WWTR1: variants seen among roughly 807,000 people sequenced by gnomAD.
WWTR1 encodes WW domain-containing transcription regulator protein 1.
A neutral mutation model predicts 40.1 loss-of-function variants in WWTR1; 13 were observed. The ratio of observed to expected loss-of-function variants is 0.32; its 90% CI spans 0.21 to 0.52. The LOEUF (loss-of-function observed/expected upper bound fraction) is 0.52. Among genes scored for constraint, WWTR1 ranks in the 20% least tolerant of loss-of-function variants. The pLI, the probability that WWTR1 is intolerant of heterozygous loss-of-function variation, is 0.97. For missense variants in WWTR1, 436 were observed against 523.1 expected (o/e 0.83, Z 1.63); for synonymous variants, 230 against 210.1 (o/e 1.09, Z -0.82).
rs555509007 is a variant in WWTR1 at position 149,522,757 on chromosome 3, C to T, written c.1019-1768G>A. On this transcript the variant is annotated intron_variant, in intron 6 of 6. Coordinates refer to ENST00000360632, the MANE Select transcript of WWTR1 (RefSeq NM_015472.6). The stretch of plus-strand genomic sequence containing the variant: ...ATCTCTGTTTTAAAGAATTCCTAGG[C>T]CGGGTGTGGTGGCTCATGCCTGTAA... Among the ~76,000 whole-genome samples the T allele has an allele frequency of 5.9e-5, 9 of 152,134 alleles. No homozygotes were observed. In the East Asian group the frequency reaches 1.5e-3, roughly 26 times the overall value.
At chr3:149,554,486 AG>A (rs1736736717) in intron 3 of WWTR1, among the ~76,000 whole-genome samples, 1 of 152,190 alleles carries the variant, frequency 6.6e-6, no homozygotes. Context: ...CCAGTGTGCA[AG>A]TATCTAGGCA....
At chr3:149,691,972 C>A (rs373237263) in intron 1 of WWTR1, among the ~76,000 whole-genome samples, 1 of 151,892 alleles carries the variant, frequency 6.6e-6, no homozygotes, top group Non-Finnish European at 1.5e-5. Context: ...GCCGAGATCA[C>A]GCCACTGCAC....
chr3:149,643,185 C>T lies in WWTR1; in HGVS notation c.431+13691G>A, dbSNP rs544345476. On this transcript the variant is annotated intron_variant, in intron 2 of 6. Coordinates refer to ENST00000360632, the MANE Select transcript of WWTR1 (RefSeq NM_015472.6). ...CGAACTTACTTGCATTAATCTGAGT[C>T]CCCTTTGCCAGGTATCAAAATCAGT... 3.9e-5 allele frequency among the ~76,000 whole-genome samples: 6 copies of T among 152,290 alleles called. No individual in the cohort carries two copies. The Middle Eastern group carries it at 0.014, about 345-fold the overall frequency.
chr3:149,526,295 GA>G (rs1253009128), intron 5 of WWTR1, among the ~76,000 whole-genome samples, 170 bp from the exon 6 acceptor site: 5 of 152,038 alleles, frequency 3.3e-5, no homozygotes, highest in Non-Finnish European at 7.4e-5. Flanking sequence ...TCATGAAAAT[GA>G]AAATAATCAT....
chr3:149,530,407 T>C (rs1171770962), intron 4 of WWTR1, among the ~76,000 whole-genome samples: 1 of 151,910 alleles, frequency 6.6e-6, no homozygotes, highest in Non-Finnish European at 1.5e-5. Context: ...TAAATTTATA[T>C]ATGGTAAGAA....
chr3:149,550,478 C>G lies in WWTR1; in HGVS notation c.569-7941G>C, dbSNP rs145324642. Among the ~76,000 whole-genome samples, 861 of 152,212 alleles carry G rather than the reference C, an allele frequency of 5.7e-3. 8 individuals are homozygous for G. The highest frequency in any genetic ancestry group is 9.9e-3 in the Non-Finnish European group (670 of 68,018). ...GCTGATATTCTTCTGGATAGGAATACTAGGAAATGCTGGTCCACTGTAACT... is the reference window on the plus strand; with the variant it reads ...GCTGATATTCTTCTGGATAGGAATAGTAGGAAATGCTGGTCCACTGTAACT... On this transcript the variant is annotated intron_variant, in intron 3 of 6. Coordinates refer to ENST00000360632, the MANE Select transcript of WWTR1 (RefSeq NM_015472.6).
chr3:149,533,898 GA>G (rs1735703622), intron 4 of WWTR1, among the ~76,000 whole-genome samples: 1 of 130,252 alleles, frequency 7.7e-6, no homozygotes, highest in Admixed American at 8.3e-5. Context: ...GGGAGGCAGA[GA>G]TACTAGCTAA....
intron 5 of WWTR1, among the ~76,000 whole-genome samples, chr3:149,717,035 G>T (rs1474969187): frequency 2.0e-5 from 3 of 152,086 alleles, no homozygotes; most frequent in Non-Finnish European, 2.9e-5. Context: ...AACTTAGGTG[G>T]CACATGCCTG....
At chr3:149,670,850 A>C (rs1331544789) in intron 1 of WWTR1, 2 of 152,104 alleles carry the variant, frequency 1.3e-5, no homozygotes, top group Admixed American at 6.5e-5. Context: ...TCTGGGAAAA[A>C]AGTTATCACA....
At chr3:149,582,219 C>A (rs1475916796) in intron 2 of WWTR1, among the ~76,000 whole-genome samples, 4 of 151,956 alleles carry the variant, frequency 2.6e-5, no homozygotes, top group African/African-American at 9.7e-5. Flanking sequence ...CCTCACTTTG[C>A]CTCTGCAAAC....
chr3:149,637,321 G>A (rs1299075767), intron 2 of WWTR1, among the ~76,000 whole-genome samples: 4 of 151,766 alleles, frequency 2.6e-5, no homozygotes. Context: ...TACCTCCCAG[G>A]CTGAAGCAAT....
intron 4 of WWTR1, among the ~76,000 whole-genome samples, chr3:149,534,964 C>A (rs1735756579): frequency 6.6e-6 from 1 of 152,192 alleles, no homozygotes; most frequent in Non-Finnish European, 1.5e-5. Context: ...AGGTCCTTGG[C>A]CTGCAGCTTG....
chr3:149,594,581 T>A (rs2108037329), intron 2 of WWTR1, among the ~76,000 whole-genome samples: 1 of 152,270 alleles, frequency 6.6e-6, no homozygotes, highest in East Asian at 1.9e-4. Flanking sequence ...GTCTAAAGTT[T>A]TTTTCAAAAC....
intron 1 of WWTR1, among the ~76,000 whole-genome samples, chr3:149,677,921 C>T (rs996457196): frequency 6.6e-6 from 1 of 151,756 alleles, no homozygotes; most frequent in Non-Finnish European, 1.5e-5. Context: ...TGCCACCACA[C>T]CCAGCTAATT....
At chr3:149,625,746 G>T (rs1217804934) in intron 2 of WWTR1, among the ~76,000 whole-genome samples, 4 of 151,302 alleles carry the variant, frequency 2.6e-5, no homozygotes, top group African/African-American at 9.7e-5. Context: ...AACTGAGACT[G>T]CACCACTGTA....
chr3:149,588,544 A>G (rs1372254021), intron 2 of WWTR1, among the ~76,000 whole-genome samples: 1 of 152,230 alleles, frequency 6.6e-6, no homozygotes, highest in Non-Finnish European at 1.5e-5. Flanking sequence ...GACTGAACAG[A>G]CATGATAAAT....
intron 2 of WWTR1, among the ~76,000 whole-genome samples, chr3:149,578,891 AT>A (rs1738015377): frequency 6.6e-6 from 1 of 152,200 alleles, no homozygotes; most frequent in Non-Finnish European, 1.5e-5. Context: ...CTCAAAAAAA[AT>A]AAAATAAAAT....
At chr3:149,583,364 G>A (rs1192699546) in intron 2 of WWTR1, among the ~76,000 whole-genome samples, 1 of 152,002 alleles carries the variant, frequency 6.6e-6, no homozygotes, top group Non-Finnish European at 1.5e-5. Flanking sequence ...TCTTCCATAG[G>A]GATTCAGTTC....
intron 4 of WWTR1, among the ~76,000 whole-genome samples, chr3:149,531,264 C>T (rs1265535585): frequency 6.6e-6 from 1 of 152,094 alleles, no homozygotes; most frequent in East Asian, 1.9e-4. Context: ...ATAAATTAGG[C>T]CAGTCTGAGT....
Sources: allele counts gnomAD v4.1 joint callset (sites outside exome capture counted in the v4.1 genomes callset), GRCh38; gene constraint gnomAD v4.1.1; transcripts MANE v1.5; gene names NCBI Gene and HGNC (gene_info 2026-07-23, HGNC 2026-07-21).